The following CALR variants were observed in gnomAD, a reference collection of about 807,000 sequenced individuals.
CALR encodes calreticulin, also known as CRP55.
Under a neutral mutation model 51.1 loss-of-function variants are expected in CALR, and 15 were observed. The observed-to-expected ratio is 0.29, with a 90% CI of 0.20 to 0.45. CALR has a LOEUF of 0.45. Ranked by LOEUF, CALR falls within the 20% of genes least tolerant of loss-of-function variation. CALR has a pLI of 1.00. For missense variants in CALR, 477 were observed against 530.6 expected (o/e 0.90, Z 0.99); for synonymous variants, 239 against 205.9 (o/e 1.16, Z -1.38).
intron 7 of CALR, among the ~76,000 whole-genome samples, chr19:12,941,374 C>T (rs763396180): frequency 2.6e-5 from 4 of 151,972 alleles, no homozygotes; most frequent in Admixed American, 6.6e-5. Context: ...CAGCTCACTG[C>T]GCCCTCCGTC....
rs1199946705 is a variant in CALR, at chr19:12,938,767, G to A, written c.88G>A (p.Gly30Arg). The change falls in exon 1 of 9, where the codon GGA becomes AGA. Residue 30 changes from glycine (G) to arginine (R), a missense_variant. Transcript: ENST00000316448. ...CTACTTCAAGGAGCAGTTTCTGGAC[G>A]GAGGTAACGCCTGGTCCCGCCTCGA... Reference protein sequence around the residue: ...AVYFKEQFLDGDGWTSRWIES... With the variant: ...AVYFKEQFLDRDGWTSRWIES... The A allele has an allele frequency of 6.2e-7, 1 of 1,608,066 alleles. No individual in the cohort carries two copies. The highest frequency in any genetic ancestry group is 1.7e-4 in the Middle Eastern group (1 of 6,052).
In CALR at chr19:12,939,420, C is replaced by G. The variant is rs891306648; in HGVS notation, c.194-8C>G. The G allele has an allele frequency of 1.2e-6, 2 of 1,612,050 alleles. No individual in the cohort carries two copies. The highest frequency in any genetic ancestry group is 1.7e-5 in the Admixed American group (1 of 59,998). ...CCCAACGGTGACCTCACTACCGTCC[C>G]GTCTCAGGTTTGCAGACAAGCCAGG... On this transcript the variant is annotated splice_polypyrimidine_tract_variant and splice_region_variant and intron_variant, in intron 2 of 8. Transcript: ENST00000316448.
chr19:12,940,397 C>A lies in CALR; in HGVS notation c.647C>A (p.Pro216Gln). Residue 216 changes from proline to glutamine, a missense_variant, in exon 5 of 9, where the codon CCG becomes CAG. Pro to Gln is a moderately conservative substitution (Grantham distance 76, BLOSUM62 -1). Coordinates refer to ENST00000316448, the MANE Select transcript of CALR (RefSeq NM_004343.4). ...KKIKDPDASK[P>Q]EDWDERAKID... Reference sequence around the variant, plus strand: ...ATAAAGGATCCTGATGCTTCAAAACCGGAAGACTGGGATGAGCGGGCCAAG... The same window carrying A: ...ATAAAGGATCCTGATGCTTCAAAACAGGAAGACTGGGATGAGCGGGCCAAG... 1 of 1,614,128 alleles carries A rather than the reference C, an allele frequency of 6.2e-7. No homozygotes were observed. The highest frequency in any genetic ancestry group is 2.2e-5 in the East Asian group (1 of 44,880).
intron 2 of CALR, 94 bp from the exon 3 acceptor site, chr19:12,939,334 A>G: frequency 6.9e-7 from 1 of 1,448,880 alleles, no homozygotes; most frequent in Non-Finnish European, 9.7e-7. Flanking sequence ...GGAGGAGGAC[A>G]GGTGGAGGAA....
intron 7 of CALR, among the ~76,000 whole-genome samples, chr19:12,942,920 C>T (rs913244272): frequency 8.6e-5 from 13 of 151,720 alleles, no homozygotes; most frequent in Admixed American, 6.6e-4. Flanking sequence ...TCACAGACCC[C>T]GGGCTAATTT....
chr19:12,941,643 A>T (rs1334740746), intron 7 of CALR, among the ~76,000 whole-genome samples: 1 of 150,382 alleles, frequency 6.6e-6, no homozygotes, highest in East Asian at 2.0e-4. Flanking sequence ...TGCCTGGCTA[A>T]TTTTTTTGTA....
intron 7 of CALR, among the ~76,000 whole-genome samples, chr19:12,942,774 A>G (rs1971566691): frequency 6.9e-6 from 1 of 145,926 alleles, no homozygotes; most frequent in Non-Finnish European, 1.5e-5. Flanking sequence ...TTTTTTTGAG[A>G]TGGAATTTCA....
At chr19:12,940,016 A>G (rs779809149) in intron 3 of CALR, 37 bp from the exon 4 acceptor site, 5 of 1,369,014 alleles carry the variant, frequency 3.7e-6, no homozygotes, top group South Asian at 2.3e-5. Flanking sequence ...GATGATGGGT[A>G]GTCTCTGACT....
Position 12,944,410 on chromosome 19 carries a change from G to A in CALR, c.*497G>A, listed in dbSNP as rs1269891520. Reference sequence around the variant, plus strand: ...CCAGGACTGGGCCACTTCTGGGTGGGGCAGTGGGTCCCAGATTGGCTCACA... The same window carrying A: ...CCAGGACTGGGCCACTTCTGGGTGGAGCAGTGGGTCCCAGATTGGCTCACA... On this transcript the variant is annotated 3_prime_UTR_variant, in exon 9 of 9. Coordinates refer to ENST00000316448, the MANE Select transcript of CALR (RefSeq NM_004343.4). 1 of 214,406 alleles carries A rather than the reference G, an allele frequency of 4.7e-6. No homozygotes were observed. The highest frequency in any genetic ancestry group is 9.7e-6 in the Non-Finnish European group (1 of 102,620). The allele number at this position is 214,406 out of a possible 1,614,324, so 13.3% of individuals were successfully genotyped here.
At chr19:12,942,446 A>G (rs1233116158) in intron 7 of CALR, among the ~76,000 whole-genome samples, 1 of 152,068 alleles carries the variant, frequency 6.6e-6, no homozygotes, top group Non-Finnish European at 1.5e-5. Flanking sequence ...TCTGGCATGT[A>G]GTAGGTACCT....
At chr19:12,938,940 C>T in intron 1 of CALR, 170 bp downstream of exon 1, 2 of 733,230 alleles carry the variant, frequency 2.7e-6, no homozygotes, top group Non-Finnish European at 4.9e-6. Flanking sequence ...GAGGGCGTAG[C>T]GGCCTCCCGC....
Position 12,940,061 on chromosome 19 carries a change from A to T in CALR, c.406A>T (p.Ile136Phe). The change falls in exon 4 of 9, where the codon ATC (isoleucine) becomes TTC (phenylalanine). Residue 136 changes from isoleucine to phenylalanine, a missense_variant. Coordinates refer to ENST00000316448, the MANE Select transcript of CALR (RefSeq NM_004343.4). ...ATCTGCTTCACACCTAGGTCCCGAC[A>T]TCTGTGGCCCTGGCACCAAGAAGGT... ...SEYNIMFGPD[I>F]CGPGTKKVHV... The T allele has an allele frequency of 6.2e-7, 1 of 1,613,434 alleles. No homozygotes were observed. Among genetic ancestry groups the T allele is most frequent in the Non-Finnish European group, 8.5e-7 (1 of 1,179,344 alleles).
chr19:12,939,585 G>C lies in CALR; in HGVS notation c.351G>C (p.Leu117Phe). ...ATGTGAAGCTGTTTCCTAATAGTTT[G>C]GACCAGACAGACATGCACGGAGACT... is the stretch of plus-strand genomic sequence containing the variant. ...GGYVKLFPNS[L>F]DQTDMHGDSE... Residue 117 changes from leucine to phenylalanine, a missense_variant, in exon 3 of 9, where the codon TTG (leucine) becomes TTC (phenylalanine). Coordinates refer to ENST00000316448, the MANE Select transcript of CALR (RefSeq NM_004343.4). 6.2e-7 allele frequency: 1 copy of C among 1,614,104 alleles called. No homozygotes were observed. The highest frequency in any genetic ancestry group is 8.5e-7 in the Non-Finnish European group (1 of 1,180,018).
rs1250337092 is a variant in CALR at position 12,941,001 on chromosome 19, T to G, written c.960+114T>G. 4.1e-6 allele frequency: 4 copies of G among 977,502 alleles called. No individual in the cohort carries two copies. The East Asian group carries it at 9.6e-5, about 23-fold the overall frequency. The allele number at this position is 977,502 out of a possible 1,614,324, so 60.6% of individuals were successfully genotyped here. On this transcript the variant is annotated intron_variant, in intron 7 of 8. Transcript: ENST00000316448. ...GTGAGTCTGACTCAAAAATGGTACT[T>G]CTTGTAAACAGTACTTCCTGGTCTG...
intron 4 of CALR, 23 bp from the exon 5 acceptor site, chr19:12,940,220 C>T (rs769994768): frequency 3.5e-5 from 56 of 1,612,252 alleles, no homozygotes; most frequent in Middle Eastern, 1.6e-4. Flanking sequence ...GGGTGGCCCC[C>T]GCTCACCTTC....
In CALR at chr19:12,944,146, C is replaced by T. The variant is rs1971594692; in HGVS notation, c.*233C>T. The stretch of plus-strand genomic sequence containing the variant: ...ATCTTTGATTCTCCTTCAGCCCTCA[C>T]CCCTGGTTCTCATCTTTCTTGATCA... On this transcript the variant is annotated 3_prime_UTR_variant, in exon 9 of 9. Transcript: ENST00000316448. 3.1e-6 allele frequency: 2 copies of T among 650,488 alleles called. No individual in the cohort carries two copies. Among genetic ancestry groups the T allele is most frequent in the Admixed American group, 6.0e-5 (2 of 33,294 alleles). The allele number at this position is 650,488 out of a possible 1,614,324, so 40.3% of individuals were successfully genotyped here. A position where few individuals can be genotyped will look rare whatever the true frequency, so the allele number is the denominator to read the frequency against.
chr19:12,944,107 T>TA lies in CALR; in HGVS notation c.*197dup. 3 of 618,038 alleles carry TA rather than the reference T, an allele frequency of 4.9e-6. No individual in the cohort carries two copies. Among genetic ancestry groups the TA allele is most frequent in the South Asian group, 2.0e-5 (1 of 49,084 alleles). The allele number at this position is 618,038 out of a possible 1,614,324, so 38.3% of individuals were successfully genotyped here. A position where few individuals can be genotyped will look rare whatever the true frequency, so the allele number is the denominator to read the frequency against. ...CCCCGCCCTTTTTTTTTTTTTTTTT[T>TA]AAACTGGTATTTTATCTTTGATTCT... is the stretch of plus-strand genomic sequence containing the variant. On this transcript the variant is annotated 3_prime_UTR_variant, in exon 9 of 9. Coordinates refer to ENST00000316448, the MANE Select transcript of CALR (RefSeq NM_004343.4).
At chr19:12,943,507 C>T (rs548021185) in intron 7 of CALR, 30 bp from the exon 8 acceptor site, 1 of 1,602,728 alleles carries the variant, frequency 6.2e-7, no homozygotes, top group Admixed American at 1.7e-5. Context: ...CGGGTATCAC[C>T]TCTGACCATC....
At chr19:12,939,325 G>A in intron 2 of CALR, 90 bp downstream of exon 2, 1 of 1,445,664 alleles carries the variant, frequency 6.9e-7, no homozygotes, top group South Asian at 1.2e-5. Flanking sequence ...AGTCCCCTTG[G>A]AGGAGGACAG....
Sources: allele counts gnomAD v4.1 joint callset (sites outside exome capture counted in the v4.1 genomes callset), GRCh38; gene constraint gnomAD v4.1.1; transcripts MANE v1.5; gene names NCBI Gene and HGNC (gene_info 2026-07-23, HGNC 2026-07-21).